Variants in CLRN1 observed in about 807,000 individuals in gnomAD.
CLRN1 encodes the protein clarin 1, also known as clarin-1.
In CLRN1, 15 loss-of-function variants were observed where a neutral mutation model predicts 18.7. The ratio of observed to expected loss-of-function variants is 0.80; its 90% CI spans 0.54 to 1.23. CLRN1 has a LOEUF of 1.23. Among genes scored for constraint, CLRN1 ranks in the 50% most tolerant of loss-of-function variants. The probability of loss-of-function intolerance (pLI) is 0.00; values close to 1 mark genes in which losing one functional copy is unlikely to be tolerated. For missense variants in CLRN1, 311 were observed against 277.5 expected, an observed-to-expected ratio of 1.12 and a Z score of -0.86; for synonymous variants, 104 against 102.9, an observed-to-expected ratio of 1.01 and a Z score of -0.07.
intron 1 of CLRN1, among the ~76,000 whole-genome samples, chr3:150,950,701 T>TG (rs1412758322): frequency 6.6e-6 from 1 of 152,204 alleles, no homozygotes; most frequent in Admixed American, 6.5e-5. Context: ...ACACTGTTAG[T>TG]GGGAGTGTAA....
intron 1 of CLRN1, among the ~76,000 whole-genome samples, chr3:150,957,238 T>TAA (rs919417371): frequency 1.4e-5 from 2 of 147,068 alleles, no homozygotes; most frequent in Admixed American, 1.4e-4. Context: ...TCCCATTTTA[T>TAA]ACACACACAC....
chr3:150,946,092 G>A (rs1419292591), intron 1 of CLRN1, among the ~76,000 whole-genome samples: 3 of 152,100 alleles, frequency 2.0e-5, no homozygotes, highest in Admixed American at 6.5e-5. Context: ...ATAACAACAT[G>A]TATGGAATTA....
At chr3:150,948,130 AAGAT>A (rs539894329) in intron 1 of CLRN1, among the ~76,000 whole-genome samples, 193 of 152,334 alleles carry the variant, frequency 1.3e-3, no homozygotes, top group Non-Finnish European at 1.9e-3. Context: ...AAAAATTAAT[AAGAT>A]AGATAGGCCA....
chr3:150,944,138 C>A, intron 1 of CLRN1: 1 of 457,366 alleles, frequency 2.2e-6, no homozygotes, highest in South Asian at 2.1e-5. Flanking sequence ...AAGGAAATCA[C>A]CCTTTAAAGA....
In CLRN1 at chr3:150,933,627, G is replaced by A. The variant is rs1713289566; in HGVS notation, c.434-5426C>T. On this transcript the variant is annotated intron_variant, in intron 2 of 2. Coordinates refer to ENST00000327047, the MANE Select transcript of CLRN1 (RefSeq NM_174878.3). Reference sequence around the variant, plus strand: ...AGTGGTGCTTTGGAGGTCAAAGCAAGGACTTGGGTTGTGACTGTAAATGAA... The same window carrying A: ...AGTGGTGCTTTGGAGGTCAAAGCAAAGACTTGGGTTGTGACTGTAAATGAA... Among the ~76,000 whole-genome samples, 5 of 152,298 alleles carry A rather than the reference G, an allele frequency of 3.3e-5. No individual in the cohort carries two copies. In the South Asian group the frequency reaches 1.0e-3, roughly 32 times the overall value.
chr3:150,952,054 G>T (rs1714509927), intron 1 of CLRN1, among the ~76,000 whole-genome samples: 1 of 152,130 alleles, frequency 6.6e-6, no homozygotes. Flanking sequence ...GTTAAAGGTC[G>T]CAGATGCTGA....
chr3:150,970,595 T>C (rs1444868233), intron 1 of CLRN1, among the ~76,000 whole-genome samples: 3 of 152,076 alleles, frequency 2.0e-5, no homozygotes, highest in African/African-American at 7.2e-5. Flanking sequence ...ATGTATAGTA[T>C]ATACAGTACA....
intron 1 of CLRN1, among the ~76,000 whole-genome samples, chr3:150,957,623 A>T (rs562607397): frequency 6.6e-6 from 1 of 152,144 alleles, no homozygotes; most frequent in East Asian, 1.9e-4. Flanking sequence ...ACCCATTCAT[A>T]TTAGTGTTTT....
At chr3:150,944,772 A>C (rs1429923409) in intron 1 of CLRN1, among the ~76,000 whole-genome samples, 2 of 151,606 alleles carry the variant, frequency 1.3e-5, no homozygotes, top group African/African-American at 4.8e-5. Flanking sequence ...AAAAAAGAAG[A>C]GTCAAGGATT....
chr3:150,969,647 G>T (rs1174092379), intron 1 of CLRN1, among the ~76,000 whole-genome samples: 1 of 151,924 alleles, frequency 6.6e-6, no homozygotes, highest in African/African-American at 2.4e-5. Flanking sequence ...TATTTTTATT[G>T]GCCAGTGCTG....
intron 1 of CLRN1, among the ~76,000 whole-genome samples, chr3:150,962,884 T>G: frequency 6.6e-6 from 1 of 152,198 alleles, no homozygotes; most frequent in East Asian, 1.9e-4. Flanking sequence ...GATCAAAGAT[T>G]AAGATTTAGA....
intron 1 of CLRN1, among the ~76,000 whole-genome samples, chr3:150,948,859 G>A (rs1559986263): frequency 6.6e-6 from 1 of 152,058 alleles, no homozygotes; most frequent in South Asian, 2.1e-4. Context: ...ACTCATTCTA[G>A]GAGGCCAGCA....
At position 150,972,465 on chromosome 3, in the gene CLRN1, G is replaced by A; in HGVS notation, c.244C>T (p.Arg82Trp). The change falls in exon 1 of 3, where the codon CGG becomes TGG. Residue 82 changes from arginine (R) to tryptophan (W), a missense_variant. Transcript: ENST00000327047. ...TGCAATTGCTACTTACATGAGAACC[G>A]AAAGGGCCTTGCTCCCAACCCACAC... The part of the protein sequence containing the change: ...RQCGLGARPF[R>W]FSFFPDLLKA... The A allele has an allele frequency of 5.0e-6, 8 of 1,614,068 alleles. No individual in the cohort carries two copies. Among genetic ancestry groups the A allele is most frequent in the South Asian group, 1.1e-5 (1 of 91,072 alleles).
rs1576631392 is a variant in CLRN1 at position 150,941,386 on chromosome 3, T to C, written c.433+196A>G. The C allele has an allele frequency of 1.0e-5, 6 of 582,520 alleles. No homozygotes were observed. The East Asian group carries it at 1.5e-4, about 14-fold the overall frequency. 36.1% of individuals were successfully genotyped at this position (582,520 alleles called of 1,614,324 possible). On this transcript the variant is annotated intron_variant, in intron 2 of 2. Coordinates refer to ENST00000327047, the MANE Select transcript of CLRN1 (RefSeq NM_174878.3). Reference sequence around the variant, plus strand: ...AATGTCAGCATCACAGTTATTCATATAGATGTCCATAAAGTATTTATTGAA... The same window carrying C: ...AATGTCAGCATCACAGTTATTCATACAGATGTCCATAAAGTATTTATTGAA...
At chr3:150,941,401 T>C in intron 2 of CLRN1, 181 bp downstream of exon 2, 1 of 621,466 alleles carries the variant, frequency 1.6e-6, no homozygotes, top group Non-Finnish European at 2.8e-6. Flanking sequence ...GTCCATAAAG[T>C]ATTTATTGAA....
intron 1 of CLRN1, among the ~76,000 whole-genome samples, chr3:150,962,934 T>C (rs1308549751): frequency 6.6e-6 from 1 of 152,190 alleles, no homozygotes; most frequent in East Asian, 1.9e-4. Context: ...AGGCAATGAA[T>C]GAATTCAAGT....
intron 1 of CLRN1, among the ~76,000 whole-genome samples, chr3:150,958,266 T>C (rs973409923): frequency 1.6e-4 from 24 of 152,342 alleles, no homozygotes; most frequent in Non-Finnish European, 3.2e-4. Flanking sequence ...TCAAGTTCTC[T>C]TGGTTTCTGT....
chr3:150,947,043 T>A (rs1397053576), intron 1 of CLRN1, among the ~76,000 whole-genome samples: 1 of 152,020 alleles, frequency 6.6e-6, no homozygotes, highest in African/African-American at 2.4e-5. Flanking sequence ...TGATATTTTA[T>A]CATTGTTATA....
chr3:150,926,332 A>T (rs891868021), downstream of CLRN1: 2 of 183,080 alleles, frequency 1.1e-5, no homozygotes, highest in South Asian at 2.2e-4. Context: ...ATCCAATAAG[A>T]GTGCAGGGGG....
Sources: allele counts gnomAD v4.1 joint callset (sites outside exome capture counted in the v4.1 genomes callset), GRCh38; gene constraint gnomAD v4.1.1; transcripts MANE v1.5; gene names NCBI Gene and HGNC (gene_info 2026-07-23, HGNC 2026-07-21).